Variants in OR9Q1 observed in about 807,000 individuals in gnomAD.
OR9Q1 encodes the protein olfactory receptor family 9 subfamily Q member 1.
For missense variants in OR9Q1, 374 were observed against 378.8 expected (o/e 0.99, Z 0.11); for synonymous variants, 153 against 148.6 (o/e 1.03, Z -0.22).
At chr11:58,118,521 G>T in intron 2 of OR9Q1, 1 of 1,605,478 alleles carries the variant, frequency 6.2e-7, no homozygotes, top group Non-Finnish European at 8.5e-7. Context: ...GGGACACCTG[G>T]AGTCTCCTAG....
chr11:58,111,935 A>C lies in OR9Q1; in HGVS notation c.-15+55988A>C, dbSNP rs143074469. ...AGGTATGTAATCTATGCTTCAGGAC[A>C]TGCTTGACTAGATGATCTTCCAGTA... On this transcript the variant is annotated intron_variant, in intron 2 of 2. Coordinates refer to ENST00000335397, the MANE Select transcript of OR9Q1 (RefSeq NM_001005212.4). Among the ~76,000 whole-genome samples the C allele has an allele frequency of 3.8e-3, 584 of 152,248 alleles. 1 individual carries two copies. The highest frequency in any genetic ancestry group is 0.02 in the Middle Eastern group (6 of 294).
chr11:58,127,562 G>T (rs1296769038), intron 2 of OR9Q1, among the ~76,000 whole-genome samples: 1 of 152,162 alleles, frequency 6.6e-6, no homozygotes, highest in South Asian at 2.1e-4. Flanking sequence ...ACTGTGGGCT[G>T]CCTCCAAGTG....
In OR9Q1 at chr11:58,068,475, C is replaced by T. The variant is rs76149326; in HGVS notation, c.-15+12528C>T. On this transcript the variant is annotated intron_variant, in intron 2 of 2. Transcript: ENST00000335397. ...CCTCCAACAGCCCACGGGAATGAGCCCATGCCATGTAGGAAGATCGTCTTA... is the reference window on the plus strand; with the variant it reads ...CCTCCAACAGCCCACGGGAATGAGCTCATGCCATGTAGGAAGATCGTCTTA... Among the ~76,000 whole-genome samples the T allele has an allele frequency of 2.7e-3, 410 of 152,238 alleles. 1 individual carries two copies. The highest frequency in any genetic ancestry group is 9.1e-3 in the African/African-American group (380 of 41,546).
At chr11:58,080,093 G>GGTA (rs1853574692) in intron 2 of OR9Q1, among the ~76,000 whole-genome samples, 1 of 152,124 alleles carries the variant, frequency 6.6e-6, no homozygotes, top group Admixed American at 6.6e-5. Context: ...ATTGCACCCA[G>GGTA]GTAGTGAGCA....
At chr11:58,154,161 G>A (rs540161100) in intron 2 of OR9Q1, among the ~76,000 whole-genome samples, 743 of 59,210 alleles carry the variant, frequency 0.013, 4 homozygotes, top group Non-Finnish European at 0.024. Context: ...AAGAGGAGAA[G>A]GAGGAGGAGA....
intron 2 of OR9Q1, among the ~76,000 whole-genome samples, chr11:58,151,542 A>C (rs1454443988): frequency 1.3e-5 from 2 of 152,174 alleles, no homozygotes. Context: ...CTTGTTTCAT[A>C]ATACAAACAA....
intron 1 of OR9Q1, among the ~76,000 whole-genome samples, chr11:58,037,689 A>ATATATATAG (rs1853119570): frequency 5.7e-4 from 4 of 6,998 alleles, no homozygotes; most frequent in African/African-American, 8.7e-4. Flanking sequence ...ATATATATAT[A>ATATATATAG]TTTTTTTTTT....
At chr11:58,031,338 C>T (rs1853032892) in intron 1 of OR9Q1, 1 of 1,614,004 alleles carries the variant, frequency 6.2e-7, no homozygotes, top group Non-Finnish European at 8.5e-7. Flanking sequence ...CGTTATGTGG[C>T]CATTTGTATG....
intron 2 of OR9Q1, among the ~76,000 whole-genome samples, chr11:58,127,151 T>C (rs1854098105): frequency 6.6e-6 from 1 of 152,148 alleles, no homozygotes; most frequent in African/African-American, 2.4e-5. Context: ...AGTTTCACCA[T>C]GTTGGCCAGG....
chr11:58,048,674 A>AT (rs1443631193), intron 1 of OR9Q1, among the ~76,000 whole-genome samples: 78 of 78,442 alleles, frequency 9.9e-4, no homozygotes, highest in Admixed American at 1.9e-3. Flanking sequence ...CATCTTAAAA[A>AT]AAAAAATATA....
At chr11:58,103,550 C>T (rs1266536411) in intron 2 of OR9Q1, among the ~76,000 whole-genome samples, 10 of 151,836 alleles carry the variant, frequency 6.6e-5, no homozygotes, top group East Asian at 1.9e-4. Flanking sequence ...CTGAATTTCA[C>T]GAAGATTAAT....
At chr11:58,036,926 T>C (rs573867865) in intron 1 of OR9Q1, among the ~76,000 whole-genome samples, 23 of 152,344 alleles carry the variant, frequency 1.5e-4, no homozygotes, top group African/African-American at 3.8e-4. Flanking sequence ...ATAAACTTAG[T>C]TGATAAAACA....
chr11:58,078,120 T>C (rs952571101), intron 2 of OR9Q1: 1 of 152,090 alleles, frequency 6.6e-6, no homozygotes, highest in African/African-American at 2.4e-5. Flanking sequence ...GCTGAGATCG[T>C]GCCACTGCAC....
chr11:58,105,958 T>G (rs1853835545), intron 2 of OR9Q1, among the ~76,000 whole-genome samples: 1 of 152,086 alleles, frequency 6.6e-6, no homozygotes, highest in African/African-American at 2.4e-5. Flanking sequence ...AGATCCTAAT[T>G]TAAACTCTTT....
intron 1 of OR9Q1, among the ~76,000 whole-genome samples, chr11:58,029,193 G>T (rs1338906218): frequency 1.3e-5 from 2 of 152,186 alleles, no homozygotes; most frequent in Non-Finnish European, 2.9e-5. Context: ...GCTCAACTGG[G>T]GGCTGAATGA....
chr11:58,062,307 C>T (rs1195563498), intron 2 of OR9Q1, among the ~76,000 whole-genome samples: 5 of 152,140 alleles, frequency 3.3e-5, no homozygotes, highest in South Asian at 2.1e-4. Flanking sequence ...GCTGAGACAT[C>T]CTCTCCCTTA....
At chr11:58,152,908 G>A (rs531049437) in intron 2 of OR9Q1, among the ~76,000 whole-genome samples, 1 of 152,310 alleles carries the variant, frequency 6.6e-6, no homozygotes, top group East Asian at 1.9e-4. Flanking sequence ...CTCTCTGAGA[G>A]ATTGCTGGGC....
intron 1 of OR9Q1, among the ~76,000 whole-genome samples, chr11:58,055,051 A>C (rs1853314158): frequency 6.6e-6 from 1 of 152,204 alleles, no homozygotes; most frequent in Non-Finnish European, 1.5e-5. Flanking sequence ...CTTGGTTGGG[A>C]GGAACTGGTT....
intron 2 of OR9Q1, among the ~76,000 whole-genome samples, chr11:58,123,053 A>G (rs560153051): frequency 6.6e-6 from 1 of 151,812 alleles, no homozygotes; most frequent in African/African-American, 2.4e-5. Flanking sequence ...AGTGCTTTGC[A>G]TATATTATTT....
Sources: gnomAD v4.1 joint callset for allele counts (sites outside exome capture counted in the v4.1 genomes callset) on GRCh38, gnomAD v4.1.1 for gene constraint, MANE v1.5 for transcripts, NCBI Gene and HGNC (gene_info 2026-07-23, HGNC 2026-07-21) for gene names.